CAND1: variants seen among roughly 807,000 people sequenced by gnomAD.
The protein encoded by CAND1 is cullin-associated NEDD8-dissociated protein 1.
A neutral mutation model predicts 108.5 loss-of-function variants in CAND1; 7 were observed. The ratio of observed to expected loss-of-function variants is 0.06; its 90% confidence interval spans 0.04 to 0.12. The LOEUF is 0.12. Ranked by LOEUF, CAND1 falls within the 10% of genes least tolerant of loss-of-function variation. The probability of loss-of-function intolerance (pLI) is 1.00; values close to 1 mark genes in which losing one functional copy is unlikely to be tolerated. For missense variants in CAND1, 941 were observed against 1,448.7 expected (o/e 0.65, Z 5.69); for synonymous variants, 534 against 512.0 (o/e 1.04, Z -0.58).
In CAND1 at chr12:67,295,227, A is replaced by T. The variant is rs532925212; in HGVS notation, c.491+71A>T. The T allele has an allele frequency of 2.7e-4, 368 of 1,370,586 alleles. 3 individuals carry two copies. The South Asian group carries it at 5.1e-3, about 19-fold the overall frequency. 84.9% of individuals were successfully genotyped at this position (1,370,586 alleles called of 1,614,324 possible). A position where few individuals can be genotyped will look rare whatever the true frequency, so the allele number is the denominator to read the frequency against. Reference sequence around the variant, plus strand: ...CATTAATTTACTAAAAACCCTTTCTAGTAAATATAATAAAACTTGGTCAGA... The same window carrying T: ...CATTAATTTACTAAAAACCCTTTCTTGTAAATATAATAAAACTTGGTCAGA... On this transcript the variant is annotated intron_variant, in intron 4 of 14. Transcript: ENST00000545606.
intron 1 of CAND1, among the ~76,000 whole-genome samples, chr12:67,279,824 T>C (rs2044603604): frequency 6.6e-6 from 1 of 152,206 alleles, no homozygotes; most frequent in Non-Finnish European, 1.5e-5. Flanking sequence ...TTACTTGGGA[T>C]TATGTTTTTC....
At chr12:67,288,186 C>T (rs1373038028) in intron 2 of CAND1, among the ~76,000 whole-genome samples, 4 of 148,440 alleles carry the variant, frequency 2.7e-5, no homozygotes, top group Non-Finnish European at 4.4e-5. Flanking sequence ...GGCTGGAGTG[C>T]AGTGGTGTGA....
chr12:67,299,550 A>G (rs760872821), intron 7 of CAND1, among the ~76,000 whole-genome samples: 7 of 152,172 alleles, frequency 4.6e-5, no homozygotes, highest in Non-Finnish European at 7.4e-5. Flanking sequence ...ATCTGTAGAT[A>G]TACATATTTA....
intron 1 of CAND1, among the ~76,000 whole-genome samples, chr12:67,276,023 G>A (rs796370746): frequency 1.4e-4 from 21 of 152,212 alleles, no homozygotes; most frequent in African/African-American, 4.8e-4. Context: ...GAAAATCTTT[G>A]ATATCACCCT....
intron 4 of CAND1, among the ~76,000 whole-genome samples, chr12:67,296,736 A>C (rs1313360759): frequency 6.6e-6 from 1 of 151,438 alleles, no homozygotes; most frequent in Non-Finnish European, 1.5e-5. Context: ...TTCCTGGCAC[A>C]GAAAATCATT....
chr12:67,302,019 A>T (rs750233857), intron 7 of CAND1, among the ~76,000 whole-genome samples: 18 of 152,224 alleles, frequency 1.2e-4, no homozygotes, highest in Non-Finnish European at 2.4e-4. Context: ...AAGAAGTTGA[A>T]TGTGTTAATT....
chr12:67,302,220 G>A, intron 7 of CAND1, 103 bp from the exon 8 acceptor site: 1 of 1,055,658 alleles, frequency 9.5e-7, no homozygotes, highest in Non-Finnish European at 1.4e-6. Context: ...TTACCGGAAA[G>A]TTAGATTAAC....
intron 2 of CAND1, among the ~76,000 whole-genome samples, chr12:67,292,209 G>A (rs201777098): frequency 1.3e-5 from 2 of 152,154 alleles, no homozygotes; most frequent in East Asian, 3.9e-4. Flanking sequence ...ATGGTGTTGT[G>A]CCCTTGTAGT....
chr12:67,313,182 ATTTC>A lies in CAND1; in HGVS notation c.*360_*363del, dbSNP rs1260012080. 1 of 160,618 alleles carries A rather than the reference ATTTC, an allele frequency of 6.2e-6. No individual in the cohort carries two copies. The highest frequency in any genetic ancestry group is 1.4e-5 in the Non-Finnish European group (1 of 73,656). 9.9% of individuals were successfully genotyped at this position (160,618 alleles called of 1,614,324 possible). A position where few individuals can be genotyped will look rare whatever the true frequency, so the allele number is the denominator to read the frequency against. Reference sequence around the variant, plus strand: ...AAATGTTAAAATTTTGTGACCATGAATTTCTTTCTTTTATAAATTTTCTCATTTA... The same window carrying A: ...AAATGTTAAAATTTTGTGACCATGAATTTCTTTTATAAATTTTCTCATTTA... On this transcript the variant is annotated 3_prime_UTR_variant, in exon 15 of 15. Transcript: ENST00000545606.
rs771717320 is a variant in CAND1, at chr12:67,302,556, C to T, written c.1234C>T (p.Leu412=). The T allele has an allele frequency of 2.5e-6, 4 of 1,613,984 alleles. No homozygotes were observed. The African/African-American group carries it at 4.0e-5, about 16-fold the overall frequency. Residue 412 remains leucine (L), a synonymous_variant, in exon 8 of 15, where the codon CTA becomes TTA. Coordinates refer to ENST00000545606, the MANE Select transcript of CAND1 (RefSeq NM_018448.5). ...GCAAACTCGTCCTGTACAAAGTTGG[C>T]TATGTGACCCTGATGCAATGGAGCA... ...LKQTRPVQSW[L]CDPDAMEQGE...
intron 11 of CAND1, among the ~76,000 whole-genome samples, chr12:67,308,300 A>G (rs1003319489): frequency 2.0e-5 from 3 of 152,110 alleles, no homozygotes; most frequent in South Asian, 2.1e-4. Flanking sequence ...GGGATTGCCA[A>G]TTCAGAATAA....
In CAND1 at chr12:67,298,965, A is replaced by G. The variant is rs913278935; in HGVS notation, c.870A>G (p.Val290=). 4 of 1,531,526 alleles carry G rather than the reference A, an allele frequency of 2.6e-6. No individual in the cohort carries two copies. The highest frequency in any genetic ancestry group is 2.3e-5 in the South Asian group (2 of 88,346). 94.9% of individuals were successfully genotyped at this position (1,531,526 alleles called of 1,614,324 possible). A position where few individuals can be genotyped will look rare whatever the true frequency, so the allele number is the denominator to read the frequency against. ...ESFVRRCPKE[V]YPHVSTIINI... is the part of the protein sequence containing the mutation. ...TTGTCTTTAGATGTCCTAAGGAAGTATATCCTCATGTTTCTACCATTATAA... is the reference window on the plus strand; with the variant it reads ...TTGTCTTTAGATGTCCTAAGGAAGTGTATCCTCATGTTTCTACCATTATAA... The change falls in exon 7 of 15, where the codon GTA becomes GTG. Residue 290 remains valine (V), a synonymous_variant. Coordinates refer to ENST00000545606, the MANE Select transcript of CAND1 (RefSeq NM_018448.5).
At position 67,297,389 on chromosome 12, in the gene CAND1, T is replaced by C. The variant is rs2044779661; in HGVS notation, c.492-18T>C. ...GAATTCATTTGTTGTTTTCTTTCTT[T>C]TTTTATTTTATTTTAAGGCAAGGAG... is the stretch of plus-strand genomic sequence containing the variant. On this transcript the variant is annotated intron_variant, in intron 4 of 14. Transcript: ENST00000545606. 6.2e-7 allele frequency: 1 copy of C among 1,600,716 alleles called. No homozygotes were observed. Among genetic ancestry groups the C allele is most frequent in the Non-Finnish European group, 8.5e-7 (1 of 1,174,570 alleles).
intron 2 of CAND1, among the ~76,000 whole-genome samples, chr12:67,291,540 A>G (rs926067527): frequency 6.6e-6 from 1 of 152,238 alleles, no homozygotes; most frequent in African/African-American, 2.4e-5. Context: ...TTGCATATAC[A>G]AAATGAGATA....
intron 2 of CAND1, among the ~76,000 whole-genome samples, chr12:67,290,386 T>C (rs548826394): frequency 6.6e-6 from 1 of 152,078 alleles, no homozygotes; most frequent in African/African-American, 2.4e-5. Flanking sequence ...TGGTATATAC[T>C]TGTAGTCCCA....
chr12:67,296,622 G>T lies in CAND1; in HGVS notation c.492-785G>T, dbSNP rs762969027. ...GCTAATTTTTGTATTTTTAGTAGAG[G>T]CAGGGTTTTACCATGTTGGCCAGGG... On this transcript the variant is annotated intron_variant, in intron 4 of 14. Coordinates refer to ENST00000545606, the MANE Select transcript of CAND1 (RefSeq NM_018448.5). Among the ~76,000 whole-genome samples, 22 of 151,784 alleles carry T rather than the reference G, an allele frequency of 1.4e-4. 2 individuals carry two copies. The highest frequency in any genetic ancestry group is 1.3e-3 in the Admixed American group (20 of 15,218).
In CAND1 at chr12:67,313,014, G is replaced by A; in HGVS notation, c.*184G>A. On this transcript the variant is annotated 3_prime_UTR_variant, in exon 15 of 15. Coordinates refer to ENST00000545606, the MANE Select transcript of CAND1 (RefSeq NM_018448.5). The stretch of plus-strand genomic sequence containing the variant: ...TTTTTGTAGCATTTATTTCAGAAAT[G>A]TGTATTTCCATAATCCAGAGGTTGT... 3.8e-6 allele frequency: 2 copies of A among 521,196 alleles called. No individual in the cohort carries two copies. Among genetic ancestry groups the A allele is most frequent in the South Asian group, 2.8e-5 (1 of 35,286 alleles). 32.3% of individuals were successfully genotyped at this position (521,196 alleles called of 1,614,324 possible). A position where few individuals can be genotyped will look rare whatever the true frequency, so the allele number is the denominator to read the frequency against.
intron 2 of CAND1, among the ~76,000 whole-genome samples, chr12:67,292,029 AT>A (rs1162254927): frequency 1.3e-5 from 2 of 151,426 alleles, no homozygotes; most frequent in Non-Finnish European, 2.9e-5. Flanking sequence ...TGCCCAGCTA[AT>A]TTTTTTTTGT....
intron 3 of CAND1, among the ~76,000 whole-genome samples, chr12:67,293,537 T>C (rs2044740740): frequency 6.6e-6 from 1 of 152,130 alleles, no homozygotes; most frequent in African/African-American, 2.4e-5. Context: ...GTGGATCACC[T>C]GAGGTCGGGA....
Sources: gnomAD v4.1 joint callset for allele counts (sites outside exome capture counted in the v4.1 genomes callset) on GRCh38, gnomAD v4.1.1 for gene constraint, MANE v1.5 for transcripts, NCBI Gene and HGNC (gene_info 2026-07-23, HGNC 2026-07-21) for gene names.